The following BTG4 variants were observed in gnomAD, a reference collection of about 807,000 sequenced individuals.
BTG4 encodes protein BTG4.
A neutral mutation model predicts 19.3 loss-of-function variants in BTG4; 10 were observed. The ratio of observed to expected loss-of-function variants is 0.52; its 90% CI spans 0.32 to 0.88. BTG4 has a LOEUF of 0.88. BTG4 is among the 40% of genes least tolerant of loss of function. BTG4 has a pLI of 0.04. For synonymous variants in BTG4, 91 were observed against 95.7 expected (o/e 0.95, Z 0.29); for missense variants, 238 against 281.9 (o/e 0.84, Z 1.11).
the BTG4 span, among the ~76,000 whole-genome samples, chr11:111,408,646 T>A: frequency 1.3e-5 from 2 of 152,200 alleles, no homozygotes; most frequent in African/African-American, 4.8e-5. Flanking sequence ...CAAAGAGAGA[T>A]CCTGGATGAC....
intron 5 of BTG4, among the ~76,000 whole-genome samples, chr11:111,489,575 A>G (rs1865284454): frequency 6.6e-6 from 1 of 152,272 alleles, no homozygotes; most frequent in African/African-American, 2.4e-5. Context: ...AATGTGGTAC[A>G]TATACACAAT....
chr11:111,454,535 C>T, the BTG4 span, among the ~76,000 whole-genome samples: 1 of 152,126 alleles, frequency 6.6e-6, no homozygotes, highest in Non-Finnish European at 1.5e-5. Flanking sequence ...TAGAGGATTT[C>T]AGATTAAAAT....
chr11:111,399,253 G>A, the BTG4 span: 2 of 152,188 alleles, frequency 1.3e-5, no homozygotes, highest in African/African-American at 4.8e-5. Context: ...CTGTCCAAAT[G>A]GGCAATGTGA....
the BTG4 span, among the ~76,000 whole-genome samples, chr11:111,423,614 A>G: frequency 2.6e-5 from 4 of 152,248 alleles, no homozygotes; most frequent in Admixed American, 2.6e-4. Flanking sequence ...CCAAGCTGAC[A>G]ACTTCCAAAG....
At chr11:111,418,470 C>T in the BTG4 span, among the ~76,000 whole-genome samples, 1 of 152,192 alleles carries the variant, frequency 6.6e-6, no homozygotes, top group African/African-American at 2.4e-5. Flanking sequence ...ATGCCCCCTG[C>T]TGAGCACTAT....
intron 5 of BTG4, among the ~76,000 whole-genome samples, chr11:111,488,803 T>C (rs1281493854): frequency 6.6e-6 from 1 of 152,202 alleles, no homozygotes; most frequent in East Asian, 1.9e-4. Flanking sequence ...TCTTTTGTTC[T>C]CTTTGTTTTT....
At chr11:111,499,120 A>T (rs1389821084) in intron 1 of BTG4, among the ~76,000 whole-genome samples, 1 of 152,238 alleles carries the variant, frequency 6.6e-6, no homozygotes, top group Non-Finnish European at 1.5e-5. Context: ...GACAGTAATT[A>T]CCTCAAGCAT....
chr11:111,495,755 C>G (rs1284195953), intron 4 of BTG4, among the ~76,000 whole-genome samples: 1 of 152,070 alleles, frequency 6.6e-6, no homozygotes, highest in African/African-American at 2.4e-5. Flanking sequence ...CAGGTCTGAT[C>G]CCCAAATGGA....
At chr11:111,397,071 C>T in the BTG4 span, 1 of 152,210 alleles carries the variant, frequency 6.6e-6, no homozygotes, top group South Asian at 2.1e-4. Context: ...ATGAAGCACA[C>T]ATTTTAATCT....
the BTG4 span, chr11:111,454,445 A>T: frequency 1.5e-5 from 6 of 388,568 alleles, no homozygotes; most frequent in South Asian, 1.2e-4. Flanking sequence ...AGAGTTGGTT[A>T]TAGGACATAG....
chr11:111,453,539 G>T, the BTG4 span: 25 of 456,452 alleles, frequency 5.5e-5, no homozygotes, highest in African/African-American at 5.0e-4. Flanking sequence ...AGGAGAGGCC[G>T]ATCTCACCAA....
At chr11:111,427,960 G>A in the BTG4 span, among the ~76,000 whole-genome samples, 3 of 152,140 alleles carry the variant, frequency 2.0e-5, no homozygotes, top group Non-Finnish European at 4.4e-5. Context: ...GCTCTGTGGG[G>A]AGGCAGCCCA....
At chr11:111,458,789 C>A in the BTG4 span, among the ~76,000 whole-genome samples, 1 of 152,074 alleles carries the variant, frequency 6.6e-6, no homozygotes, top group Non-Finnish European at 1.5e-5. Flanking sequence ...AGAAATTACC[C>A]TCTTCCCACA....
At chr11:111,440,205 C>G in the BTG4 span, among the ~76,000 whole-genome samples, 10 of 152,172 alleles carry the variant, frequency 6.6e-5, no homozygotes, top group Non-Finnish European at 8.8e-5. Flanking sequence ...TCCAGCCTAG[C>G]AGATCAAGGC....
chr11:111,417,733 G>A, the BTG4 span: 63 of 152,302 alleles, frequency 4.1e-4, no homozygotes, highest in African/African-American at 1.5e-3. Context: ...CAGTTTGGGT[G>A]TTCTCCAGAG....
At chr11:111,405,215 C>T in the BTG4 span, among the ~76,000 whole-genome samples, 1 of 152,034 alleles carries the variant, frequency 6.6e-6, no homozygotes, top group South Asian at 2.1e-4. Flanking sequence ...GCCAGCCTGG[C>T]CAACATAGCG....
chr11:111,439,204 A>G, the BTG4 span, among the ~76,000 whole-genome samples: 1 of 152,248 alleles, frequency 6.6e-6, no homozygotes, highest in Non-Finnish European at 1.5e-5. Flanking sequence ...CCTTAATACA[A>G]AAGTTTCTGC....
rs1565468155 is a variant in BTG4 at position 111,498,729 on chromosome 11, C to T, written c.48G>A (p.Val16=). 6.2e-7 allele frequency: 1 copy of T among 1,613,086 alleles called. No individual in the cohort carries two copies. Among genetic ancestry groups the T allele is most frequent in the South Asian group, 1.1e-5 (1 of 90,726 alleles). The part of the protein sequence containing the change: ...ATTVFFVTRL[V]KKHDKLSKQQ... ...GTTTACTTAGTTTATCATGTTTTTT[C>T]ACCAATCTTGTGACAAAGAAAACTG... is the stretch of plus-strand genomic sequence containing the variant. The change falls in exon 2 of 5, where the codon GTG becomes GTA. Residue 16 remains valine, a synonymous_variant. Coordinates refer to ENST00000692032, the MANE Select transcript of BTG4 (RefSeq NM_001367975.1).
At chr11:111,448,046 G>C in the BTG4 span, among the ~76,000 whole-genome samples, 1 of 152,134 alleles carries the variant, frequency 6.6e-6, no homozygotes, top group East Asian at 1.9e-4. Context: ...CTCTGCCACT[G>C]TCACCCCACC....
Sources: gnomAD v4.1 joint callset for allele counts (sites outside exome capture counted in the v4.1 genomes callset) on GRCh38, gnomAD v4.1.1 for gene constraint, MANE v1.5 for transcripts, NCBI Gene and HGNC (gene_info 2026-07-23, HGNC 2026-07-21) for gene names.